The following CSMD1 variants were observed in gnomAD, a reference collection of about 807,000 sequenced individuals.
CSMD1 encodes CUB and sushi domain-containing protein 1.
Under a neutral mutation model 417.5 loss-of-function variants are expected in CSMD1, and 213 were observed. That is an observed-to-expected ratio of 0.51 (90% confidence interval 0.46 to 0.57). The LOEUF is 0.57. Among genes scored for constraint, CSMD1 ranks in the 20% least tolerant of loss-of-function variants. The probability of loss-of-function intolerance (pLI) is 0.00; values close to 1 mark genes in which losing one functional copy is unlikely to be tolerated. For synonymous variants in CSMD1, 2,862 were observed against 1,736.8 expected (o/e 1.65, Z -16.11); for missense variants, 6,923 against 4,529.7 (o/e 1.53, Z -15.17).
At chr8:4,378,191 C>A (rs905752992) in intron 3 of CSMD1, among the ~76,000 whole-genome samples, 3 of 152,152 alleles carry the variant, frequency 2.0e-5, no homozygotes, top group African/African-American at 7.2e-5. Context: ...CTCTAATCGG[C>A]GTCCAACGAA....
chr8:4,060,422 T>A (rs577237922), intron 3 of CSMD1, among the ~76,000 whole-genome samples: 2 of 152,150 alleles, frequency 1.3e-5, no homozygotes, highest in Non-Finnish European at 2.9e-5. Context: ...CTATTCAACA[T>A]AGTGTTGGAA....
At chr8:3,969,934 T>C (rs2130068690) in intron 5 of CSMD1, among the ~76,000 whole-genome samples, 1 of 152,330 alleles carries the variant, frequency 6.6e-6, no homozygotes, top group Non-Finnish European at 1.5e-5. Context: ...CCTCATTTTA[T>C]TTAAACAACC....
At chr8:3,411,272 A>G (rs1458335203) in intron 12 of CSMD1, among the ~76,000 whole-genome samples, 1 of 152,164 alleles carries the variant, frequency 6.6e-6, no homozygotes, top group Non-Finnish European at 1.5e-5. Flanking sequence ...TACTTTTAGA[A>G]TTCTTCATGG....
At chr8:4,782,578 C>T (rs1036441522) in intron 1 of CSMD1, among the ~76,000 whole-genome samples, 2 of 152,052 alleles carry the variant, frequency 1.3e-5, no homozygotes, top group African/African-American at 2.4e-5. Flanking sequence ...TTAGAAACAC[C>T]TACATTTCAC....
intron 3 of CSMD1, among the ~76,000 whole-genome samples, chr8:4,095,042 G>A (rs1419350442): frequency 3.9e-5 from 6 of 152,188 alleles, no homozygotes; most frequent in Non-Finnish European, 8.8e-5. Flanking sequence ...AGAAAGTCAT[G>A]TAAGTAGTTG....
At chr8:3,757,868 C>CAAAA (rs869281620) in intron 5 of CSMD1, among the ~76,000 whole-genome samples, 164 of 150,306 alleles carry the variant, frequency 1.1e-3, no homozygotes, top group Non-Finnish European at 1.5e-3. Flanking sequence ...AACAAACAAA[C>CAAAA]AAAAAAAACC....
intron 25 of CSMD1, among the ~76,000 whole-genome samples, chr8:3,307,404 C>A (rs546057465): frequency 1.9e-4 from 17 of 90,006 alleles, no homozygotes; most frequent in African/African-American, 3.9e-4. Context: ...AGGCAACCCA[C>A]GAAGTCATGA....
rs1005291633 is a variant in CSMD1, at chr8:3,122,884, A to G, written c.6242-4297T>C. 7.0e-4 allele frequency among the ~76,000 whole-genome samples: 106 copies of G among 152,260 alleles called. 1 individual carries two copies. The highest frequency in any genetic ancestry group is 2.5e-3 in the African/African-American group (104 of 41,550). ...ATACAGTAGCTACATTATATACAAT[A>G]GTGTTTCTCAGTTGTTTTTGTGTCT... On this transcript the variant is annotated intron_variant, in intron 41 of 69. Transcript: ENST00000635120.
intron 1 of CSMD1, among the ~76,000 whole-genome samples, chr8:4,772,250 C>G (rs1435961512): frequency 1.3e-5 from 2 of 152,182 alleles, no homozygotes; most frequent in Non-Finnish European, 2.9e-5. Context: ...TCACACTCCT[C>G]TATCCTAAAA....
At chr8:3,335,904 G>A (rs1302668096) in intron 23 of CSMD1, among the ~76,000 whole-genome samples, 2 of 152,144 alleles carry the variant, frequency 1.3e-5, no homozygotes, top group African/African-American at 2.4e-5. Flanking sequence ...GTAGAAACCT[G>A]ATCCAAGGCT....
At chr8:3,746,299 A>G (rs987145233) in intron 6 of CSMD1, among the ~76,000 whole-genome samples, 1 of 152,236 alleles carries the variant, frequency 6.6e-6, no homozygotes, top group Non-Finnish European at 1.5e-5. Context: ...CCTGAACTTT[A>G]TTCTTGAAGC....
At chr8:4,562,561 C>A (rs904965471) in intron 2 of CSMD1, among the ~76,000 whole-genome samples, 1 of 151,998 alleles carries the variant, frequency 6.6e-6, no homozygotes, top group African/African-American at 2.4e-5. Flanking sequence ...TGAAATGGAA[C>A]AAAAATGAGC....
rs373928335 is a variant in CSMD1, at chr8:3,677,271, C to G, written c.1009+31143G>C. On this transcript the variant is annotated intron_variant, in intron 7 of 69. Transcript: ENST00000635120. ...TAGCATGCATCGAAAATTTCTCTCC[C>G]AGGAAAGTTATGGTTCCAACTAATG... is the stretch of plus-strand genomic sequence containing the variant. 3.3e-5 allele frequency among the ~76,000 whole-genome samples: 5 copies of G among 152,296 alleles called. No individual in the cohort carries two copies. The East Asian group carries it at 9.6e-4, about 29-fold the overall frequency.
chr8:3,722,191 C>T (rs7009013), intron 6 of CSMD1, among the ~76,000 whole-genome samples: 117,081 of 151,794 alleles, frequency 0.77, 45,943 homozygotes, highest in South Asian at 0.9. Flanking sequence ...CACCTGCAGG[C>T]CCACCTACTC....
At chr8:3,466,015 T>C (rs1816773664) in intron 12 of CSMD1, among the ~76,000 whole-genome samples, 1 of 152,186 alleles carries the variant, frequency 6.6e-6, no homozygotes, top group South Asian at 2.1e-4. Flanking sequence ...TTTACATGTC[T>C]TACTGTGCAC....
chr8:3,273,628 C>G (rs1802042515), intron 26 of CSMD1, among the ~76,000 whole-genome samples: 1 of 152,176 alleles, frequency 6.6e-6, no homozygotes, highest in Non-Finnish European at 1.5e-5. Context: ...TTGGTCTATT[C>G]AGAGATTCAA....
intron 12 of CSMD1, among the ~76,000 whole-genome samples, chr8:3,419,069 A>T (rs1008756265): frequency 4.6e-5 from 7 of 152,186 alleles, no homozygotes; most frequent in Non-Finnish European, 8.8e-5. Context: ...GTCTGTTGCC[A>T]TTGTTTAAGG....
chr8:3,673,089 GCTTA>G (rs374529517), intron 7 of CSMD1, among the ~76,000 whole-genome samples: 4 of 152,098 alleles, frequency 2.6e-5, no homozygotes, highest in East Asian at 1.9e-4. Context: ...TTCAATAAAT[GCTTA>G]CTGAGTTAAT....
intron 1 of CSMD1, among the ~76,000 whole-genome samples, chr8:4,868,573 A>T (rs1802551329): frequency 6.6e-6 from 1 of 151,984 alleles, no homozygotes; most frequent in African/African-American, 2.4e-5. Flanking sequence ...TTATTAAAAA[A>T]CCAATCATTT....
Sources: gnomAD v4.1 joint callset for allele counts (sites outside exome capture counted in the v4.1 genomes callset) on GRCh38, gnomAD v4.1.1 for gene constraint, MANE v1.5 for transcripts, NCBI Gene and HGNC (gene_info 2026-07-23, HGNC 2026-07-21) for gene names.